Variants in CYP1A1 observed in about 807,000 individuals in gnomAD.
CYP1A1 encodes cytochrome P450 family 1 subfamily A member 1.
A neutral mutation model predicts 33.6 loss-of-function variants in CYP1A1; 43 were observed. That is an observed-to-expected ratio of 1.28 (90% confidence interval 1.00 to 1.65). The LOEUF (loss-of-function observed/expected upper bound fraction) is 1.65, where lower values mean the gene tolerates loss of function less well. Among genes scored for constraint, CYP1A1 ranks in the 40% most tolerant of loss-of-function variants. The pLI is 0.00. For synonymous variants in CYP1A1, 280 were observed against 257.8 expected, an observed-to-expected ratio of 1.09 and a Z score of -0.83; for missense variants, 637 against 653.7, an observed-to-expected ratio of 0.97 and a Z score of 0.28.
At chr15:74,723,676 A>G (rs1376288180) in intron 1 of CYP1A1, among the ~76,000 whole-genome samples, 1 of 152,198 alleles carries the variant, frequency 6.6e-6, no homozygotes, top group African/African-American at 2.4e-5. Context: ...CCTACCCACC[A>G]CACTTAGGAA....
Position 74,721,321 on chromosome 15 carries a change from G to A in CYP1A1, c.1044C>T (p.Asp348=). ...GCCGCCGTGACCTGCCAATCACTGT[G>A]TCTGCAGAACACAGGGACAAGATGG... is the stretch of plus-strand genomic sequence containing the variant. The part of the protein sequence containing the change: ...RVQRKIQEEL[D]TVIGRSRRPR... The change falls in exon 5 of 7, where the codon GAC becomes GAT. Residue 348 remains aspartate (D), a splice_region_variant and synonymous_variant. Transcript: ENST00000379727. 1.2e-6 allele frequency: 2 copies of A among 1,613,822 alleles called. No homozygotes were observed. The highest frequency in any genetic ancestry group is 1.7e-6 in the Non-Finnish European group (2 of 1,179,848).
intron 1 of CYP1A1, among the ~76,000 whole-genome samples, chr15:74,724,870 G>T (rs557273270): frequency 6.6e-6 from 1 of 152,236 alleles, no homozygotes; most frequent in South Asian, 2.1e-4. Flanking sequence ...AAAGAAGATG[G>T]TCAATGAGAT....
In CYP1A1 at chr15:74,722,855, T is replaced by C. The variant is rs1411702107; in HGVS notation, c.243A>G (p.Thr81=). 6.2e-7 allele frequency: 1 copy of C among 1,613,876 alleles called. No individual in the cohort carries two copies. The highest frequency in any genetic ancestry group is 1.7e-5 in the Admixed American group (1 of 60,002). ...GDVLQIRIGS[T]PVVVLSGLDT... ...CCAGGCCGCTCAGCACCACCACGGG[T>C]GTGGAGCCAATTCGGATCTGCAGCA... The change falls in exon 2 of 7, where the codon ACA becomes ACG. Residue 81 remains threonine (T), a synonymous_variant. Transcript: ENST00000379727.
chr15:74,721,827 C>T (rs2063172931), intron 2 of CYP1A1, 110 bp from the exon 3 acceptor site: 2 of 1,402,080 alleles, frequency 1.4e-6, no homozygotes, highest in Admixed American at 2.1e-5. Flanking sequence ...AGGTGATGCC[C>T]CCTGAGGCTG....
Position 74,722,537 on chromosome 15 carries a change from G to A in CYP1A1, c.561C>T (p.Tyr187=), listed in dbSNP as rs771452682. The change falls in exon 2 of 7, where the codon TAC becomes TAT. Residue 187 remains tyrosine (Y), a synonymous_variant. Coordinates refer to ENST00000379727, the MANE Select transcript of CYP1A1 (RefSeq NM_001319217.2). The part of the protein sequence containing the change: ...LMAGPGHFNP[Y]RYVVVSVTNV... Reference sequence around the variant, plus strand: ...TGGTCACTGATACCACCACATACCTGTAGGGGTTAAAGTGCCCAGGCCCTG... The same window carrying A: ...TGGTCACTGATACCACCACATACCTATAGGGGTTAAAGTGCCCAGGCCCTG... The A allele has an allele frequency of 5.6e-6, 9 of 1,613,948 alleles. No individual in the cohort carries two copies. The highest frequency in any genetic ancestry group is 7.6e-6 in the Non-Finnish European group (9 of 1,179,988).
rs748134388 is a variant in CYP1A1 at position 74,721,639 on chromosome 15, G to A, written c.904C>T (p.Leu302=). The change falls in exon 3 of 7, where the codon CTG becomes TTG. Residue 302 remains leucine, a synonymous_variant. Transcript: ENST00000379727. The part of the protein sequence containing the change: ...KQLDENANVQ[L]SDEKIINIVL... Reference sequence around the variant, plus strand: ...ATGTTAATGATCTTCTCATCTGACAGCTGGACATTGGCGTTCTCATCCAGC... The same window carrying A: ...ATGTTAATGATCTTCTCATCTGACAACTGGACATTGGCGTTCTCATCCAGC... The A allele has an allele frequency of 6.2e-7, 1 of 1,614,176 alleles. No homozygotes were observed.
rs770718854 is a variant in CYP1A1, at chr15:74,722,363, G to C, written c.735C>G (p.Asn245Lys). Reference protein sequence around the residue: ...DFIPILRYLPNPSLNAFKDLN... With the variant: ...DFIPILRYLPKPSLNAFKDLN... ...GGTCCTTGAAGGCATTCAGGGAAGGGTTGGGTAGGTAGCGAAGAATAGGGA... is the reference window on the plus strand; with the variant it reads ...GGTCCTTGAAGGCATTCAGGGAAGGCTTGGGTAGGTAGCGAAGAATAGGGA... Residue 245 changes from asparagine (N) to lysine (K), a missense_variant, in exon 2 of 7, where the codon AAC becomes AAG. By Grantham distance (94) the Asn-to-Lys change is moderately conservative (BLOSUM62 0). Transcript: ENST00000379727. 6.2e-7 allele frequency: 1 copy of C among 1,614,112 alleles called. No homozygotes were observed. The highest frequency in any genetic ancestry group is 1.1e-5 in the South Asian group (1 of 91,082).
At chr15:74,722,086 G>A (rs999262383) in intron 2 of CYP1A1, 187 bp downstream of exon 2, 5 of 611,738 alleles carry the variant, frequency 8.2e-6, no homozygotes, top group South Asian at 6.1e-5. Flanking sequence ...AAGCATGGAA[G>A]GGTTAGTCAA....
At position 74,722,697 on chromosome 15, in the gene CYP1A1, C is replaced by T. The variant is rs367709511; in HGVS notation, c.401G>A (p.Arg134His). Residue 134 changes from arginine (R) to histidine (H), a missense_variant, in exon 2 of 7, where the codon CGC (arginine) becomes CAC (histidine). By Grantham distance (29) the Arg-to-His change is conservative. Coordinates refer to ENST00000379727, the MANE Select transcript of CYP1A1 (RefSeq NM_001319217.2). ...SPDSGPVWAA[R>H]RRLAQNGLKS... ...CAGGCCATTCTGGGCCAGGCGCCGG[C>T]GGGCAGCCCACACTGGTCCAGAGTC... 33 of 1,613,260 alleles carry T rather than the reference C, an allele frequency of 2.0e-5. No individual in the cohort carries two copies. The highest frequency in any genetic ancestry group is 1.6e-4 in the Middle Eastern group (1 of 6,084).
In CYP1A1 at chr15:74,720,482, C is replaced by T; in HGVS notation, c.*7G>A. On this transcript the variant is annotated 3_prime_UTR_variant, in exon 7 of 7. Transcript: ENST00000379727. ...GACAGAGTCTAGGCCTCAGGGCTCT[C>T]AAGCACCTAAGAGCGCAGCTGCATT... 1.9e-6 allele frequency: 3 copies of T among 1,550,994 alleles called. No individual in the cohort carries two copies. Among genetic ancestry groups the T allele is most frequent in the Non-Finnish European group, 2.6e-6 (3 of 1,149,532 alleles).
chr15:74,722,667 C>G lies in CYP1A1; in HGVS notation c.431G>C (p.Ser144Thr). The G allele has an allele frequency of 1.2e-6, 2 of 1,613,882 alleles. No homozygotes were observed. The highest frequency in any genetic ancestry group is 1.1e-5 in the South Asian group (1 of 91,080). ...RRRLAQNGLK[S>T]FSIASDPASS... ...GGCTGGGTCAGAGGCAATGGAGAAACTTTTCAGGCCATTCTGGGCCAGGCG... is the reference window on the plus strand; with the variant it reads ...GGCTGGGTCAGAGGCAATGGAGAAAGTTTTCAGGCCATTCTGGGCCAGGCG... The change falls in exon 2 of 7, where the codon AGT becomes ACT. Residue 144 changes from serine to threonine, a missense_variant. Transcript: ENST00000379727.
intron 1 of CYP1A1, among the ~76,000 whole-genome samples, chr15:74,723,938 A>G (rs1340754555): frequency 6.6e-6 from 1 of 152,186 alleles, no homozygotes; most frequent in Non-Finnish European, 1.5e-5. Flanking sequence ...GATGCAGGAA[A>G]TCCCACCAGA....
Position 74,721,267 on chromosome 15 carries a change from G to A in CYP1A1, c.1098C>T (p.Pro366=). Residue 366 remains proline, a synonymous_variant, in exon 5 of 7, where the codon CCC becomes CCT. Coordinates refer to ENST00000379727, the MANE Select transcript of CYP1A1 (RefSeq NM_001319217.2). ...TCTCCAGGATGAAGGCCTCCATATA[G>A]GGCAGATGGGATCTGTCAGAGAGCC... The part of the protein sequence containing the change: ...RPRLSDRSHL[P]YMEAFILETF... 1.9e-6 allele frequency: 3 copies of A among 1,613,892 alleles called. No homozygotes were observed. The Admixed American group carries it at 5.0e-5, about 27-fold the overall frequency.
In CYP1A1 at chr15:74,722,304, A is replaced by C. The variant is rs758554936; in HGVS notation, c.794T>G (p.Met265Arg). Reference sequence around the variant, plus strand: ...AAAGGTTTTGTAGTGCTCCTTGACCATCTTCTGCATGAAGCTGTAGAACTT... The same window carrying C: ...AAAGGTTTTGTAGTGCTCCTTGACCCTCTTCTGCATGAAGCTGTAGAACTT... Reference protein sequence around the residue: ...NEKFYSFMQKMVKEHYKTFEK... With the variant: ...NEKFYSFMQKRVKEHYKTFEK... Residue 265 changes from methionine (M) to arginine (R), a missense_variant, in exon 2 of 7, where the codon ATG becomes AGG. By Grantham distance (91) the Met-to-Arg change is moderately conservative. Coordinates refer to ENST00000379727, the MANE Select transcript of CYP1A1 (RefSeq NM_001319217.2). The C allele has an allele frequency of 6.2e-7, 1 of 1,613,326 alleles. No individual in the cohort carries two copies. The highest frequency in any genetic ancestry group is 1.3e-5 in the African/African-American group (1 of 74,944).
intron 1 of CYP1A1, 101 bp from the exon 2 acceptor site, chr15:74,723,227 G>T (rs1596349534): frequency 3.0e-6 from 2 of 665,808 alleles, no homozygotes; most frequent in Non-Finnish European, 5.0e-6. Context: ...CTTTCCACCA[G>T]AACTGCTTAC....
rs2063157444 is a variant in CYP1A1, at chr15:74,720,376, G to C, written c.*113C>G. 5.6e-6 allele frequency: 7 copies of C among 1,249,246 alleles called. No homozygotes were observed. The highest frequency in any genetic ancestry group is 7.7e-6 in the Non-Finnish European group (7 of 913,526). 77.4% of individuals were successfully genotyped at this position (1,249,246 alleles called of 1,614,324 possible). ...AGCCCAGATAGCAAAACTGCAGCCA[G>C]ATCAGTGTCTATGAGTTTCAGGCTG... is the stretch of plus-strand genomic sequence containing the variant. On this transcript the variant is annotated 3_prime_UTR_variant, in exon 7 of 7. Coordinates refer to ENST00000379727, the MANE Select transcript of CYP1A1 (RefSeq NM_001319217.2).
At position 74,722,576 on chromosome 15, in the gene CYP1A1, C is replaced by G; in HGVS notation, c.522G>C (p.Leu174Phe). 6.2e-7 allele frequency: 1 copy of G among 1,614,162 alleles called. No homozygotes were observed. Among genetic ancestry groups the G allele is most frequent in the South Asian group, 1.1e-5 (1 of 91,082 alleles). The change falls in exon 2 of 7, where the codon TTG (leucine) becomes TTC (phenylalanine). Residue 174 changes from leucine (L) to phenylalanine (F), a missense_variant. Transcript: ENST00000379727. ...SKEAEVLISTLQELMAGPGHF... is the reference protein window; with the variant it reads ...SKEAEVLISTFQELMAGPGHF... Reference sequence around the variant, plus strand: ...GCCCAGGCCCTGCCATCAGCTCCTGCAACGTGCTTATCAGGACCTCAGCCT... The same window carrying G: ...GCCCAGGCCCTGCCATCAGCTCCTGGAACGTGCTTATCAGGACCTCAGCCT...
chr15:74,722,252 C>G (rs373584096), intron 2 of CYP1A1, 21 bp downstream of exon 2: 11 of 1,592,414 alleles, frequency 6.9e-6, no homozygotes, highest in Non-Finnish European at 9.5e-6. Context: ...CACCACCCAC[C>G]TGCCTTTCCC....
chr15:74,721,046 T>G lies in CYP1A1; in HGVS notation c.1174A>C (p.Arg392=), dbSNP rs1275923224. 1 of 1,613,800 alleles carries G rather than the reference T, an allele frequency of 6.2e-7. No individual in the cohort carries two copies. The highest frequency in any genetic ancestry group is 1.3e-5 in the African/African-American group (1 of 74,734). Residue 392 remains arginine, a synonymous_variant, in exon 6 of 7, where the codon AGA becomes CGA. Coordinates refer to ENST00000379727, the MANE Select transcript of CYP1A1 (RefSeq NM_001319217.2). ...TAAAAGCCTTTCAAACTTGTGTCTC[T>G]TGTTGTGCTAGGGAGAAAGGAAGCT... ...VPFTIPHSTT[R]DTSLKGFYIP...
Sources: gnomAD v4.1 joint callset for allele counts (sites outside exome capture counted in the v4.1 genomes callset) on GRCh38, gnomAD v4.1.1 for gene constraint, MANE v1.5 for transcripts, NCBI Gene and HGNC (gene_info 2026-07-23, HGNC 2026-07-21) for gene names.